EEF1AKMT2: variants seen among roughly 807,000 people sequenced by gnomAD.
The protein encoded by EEF1AKMT2 is EEF1A lysine methyltransferase 2, also known as eukaryotic translation elongation factor 1 alpha lysine methyltransferase 2.
In EEF1AKMT2, 32 loss-of-function variants were observed where a neutral mutation model predicts 35.8. The ratio of observed to expected loss-of-function variants is 0.89; its 90% CI spans 0.67 to 1.20. The LOEUF is 1.20. Among genes scored for constraint, EEF1AKMT2 ranks in the 50% most tolerant of loss-of-function variants. The pLI is 0.00. For synonymous variants in EEF1AKMT2, 121 were observed against 133.7 expected (o/e 0.91, Z 0.65); for missense variants, 330 against 347.5 (o/e 0.95, Z 0.40).
At chr10:124,783,902 G>A (rs576011046) in intron 3 of EEF1AKMT2, among the ~76,000 whole-genome samples, 212 of 152,216 alleles carry the variant, frequency 1.4e-3, no homozygotes, top group African/African-American at 4.6e-3. Context: ...TCGGCTCACC[G>A]CAACCTCCGC....
At chr10:124,777,519 G>T (rs991814889) in intron 3 of EEF1AKMT2, among the ~76,000 whole-genome samples, 62 of 150,874 alleles carry the variant, frequency 4.1e-4, no homozygotes, top group African/African-American at 1.5e-3. Context: ...TGTACCTAAA[G>T]ATTTTTTTTT....
intron 3 of EEF1AKMT2, among the ~76,000 whole-genome samples, chr10:124,788,347 G>T (rs564669883): frequency 1.3e-5 from 2 of 152,132 alleles, no homozygotes; most frequent in South Asian, 4.1e-4. Flanking sequence ...TGGCACAACT[G>T]TCCATATGTC....
intron 3 of EEF1AKMT2, among the ~76,000 whole-genome samples, chr10:124,782,768 C>G (rs1203696326): frequency 4.7e-5 from 7 of 150,080 alleles, no homozygotes; most frequent in Non-Finnish European, 8.9e-5. Context: ...AGCCAAGATC[C>G]CTCCATTGCA....
intron 6 of EEF1AKMT2, among the ~76,000 whole-genome samples, chr10:124,761,190 G>A (rs186681583): frequency 1.3e-3 from 201 of 152,268 alleles, no homozygotes; most frequent in African/African-American, 4.6e-3. Flanking sequence ...CTTGCTAAGC[G>A]CCAGGCATTA....
At position 124,783,581 on chromosome 10, in the gene EEF1AKMT2, T is replaced by C. The variant is rs190727950; in HGVS notation, c.291+5462A>G. On this transcript the variant is annotated intron_variant, in intron 3 of 6. Coordinates refer to ENST00000368836, the MANE Select transcript of EEF1AKMT2 (RefSeq NM_212554.4). ...GCTTAACTGGCGTATGACCCAGCAA[T>C]TTCACTCCTAAGTAAATACCCAAGA... Among the ~76,000 whole-genome samples the C allele has an allele frequency of 4.4e-3, 663 of 152,312 alleles. 4 individuals carry two copies. Among genetic ancestry groups the C allele is most frequent in the African/African-American group, 0.015 (621 of 41,570 alleles).
At chr10:124,767,926 C>T (rs997074790) in intron 4 of EEF1AKMT2, among the ~76,000 whole-genome samples, 5 of 152,138 alleles carry the variant, frequency 3.3e-5, no homozygotes, top group Admixed American at 1.3e-4. Flanking sequence ...ACGGAGGTTG[C>T]GGTGAGCCGA....
intron 3 of EEF1AKMT2, among the ~76,000 whole-genome samples, chr10:124,778,915 C>A (rs1233211294): frequency 6.6e-6 from 1 of 151,814 alleles, no homozygotes; most frequent in East Asian, 1.9e-4. Context: ...AAACATCCAT[C>A]AAAAATGTAG....
At chr10:124,760,693 A>C (rs1753579861) in intron 6 of EEF1AKMT2, among the ~76,000 whole-genome samples, 190 bp from the exon 7 acceptor site, 1 of 152,186 alleles carries the variant, frequency 6.6e-6, no homozygotes. Context: ...TGCTCCTCCA[A>C]AATCACTTTG....
At chr10:124,790,009 G>A (rs1230000225) in intron 2 of EEF1AKMT2, among the ~76,000 whole-genome samples, 3 of 151,124 alleles carry the variant, frequency 2.0e-5, no homozygotes, top group South Asian at 4.2e-4. Flanking sequence ...CCCCTGCCTC[G>A]GCCTCCCAAG....
rs920537834 is a variant in EEF1AKMT2 at position 124,791,810 on chromosome 10, G to A, written c.24C>T (p.Gly8=). The A allele has an allele frequency of 1.9e-6, 3 of 1,585,088 alleles. No homozygotes were observed. The highest frequency in any genetic ancestry group is 1.7e-6 in the Non-Finnish European group (2 of 1,171,318). Residue 8 remains glycine, a synonymous_variant, in exon 1 of 7, where the codon GGC becomes GGT. Coordinates refer to ENST00000368836, the MANE Select transcript of EEF1AKMT2 (RefSeq NM_212554.4). MSSGADG[G]GGAAVAARSD... The stretch of plus-strand genomic sequence containing the variant: ...ACCGCGCCGCCACCGCAGCGCCACC[G>A]CCGCCGTCAGCGCCCGAGCTCATTT...
At chr10:124,786,061 T>G (rs1049791023) in intron 3 of EEF1AKMT2, among the ~76,000 whole-genome samples, 3 of 152,070 alleles carry the variant, frequency 2.0e-5, no homozygotes, top group African/African-American at 4.8e-5. Context: ...GTGACAGCAG[T>G]GGTCACCTTT....
intron 6 of EEF1AKMT2, among the ~76,000 whole-genome samples, chr10:124,761,110 C>G (rs1270924842): frequency 1.3e-5 from 2 of 152,194 alleles, no homozygotes; most frequent in African/African-American, 4.8e-5. Context: ...TCAAGTGATC[C>G]ACCCACCTCA....
At chr10:124,786,505 CAA>C (rs1374051961) in intron 3 of EEF1AKMT2, among the ~76,000 whole-genome samples, 9 of 113,242 alleles carry the variant, frequency 7.9e-5, no homozygotes, top group Admixed American at 1.9e-4. Flanking sequence ...GACTCCGTCT[CAA>C]AAAAAAAAAA....
intron 3 of EEF1AKMT2, among the ~76,000 whole-genome samples, chr10:124,783,747 G>A (rs117598682): frequency 9.3e-4 from 142 of 152,160 alleles, no homozygotes; most frequent in Non-Finnish European, 1.6e-3. Context: ...TCAGGCTCAG[G>A]TGATCCTCCC....
chr10:124,757,393 G>C (rs1950295125), downstream of EEF1AKMT2, among the ~76,000 whole-genome samples: 1 of 147,776 alleles, frequency 6.8e-6, no homozygotes, highest in Non-Finnish European at 1.5e-5. Flanking sequence ...ACCAGACAGA[G>C]ACACACACAC....
At chr10:124,782,926 A>G in intron 3 of EEF1AKMT2, 1 of 417,418 alleles carries the variant, frequency 2.4e-6, no homozygotes, top group South Asian at 1.7e-5. Flanking sequence ...GTTAAAGGTT[A>G]GAGATTGTTA....
chr10:124,787,093 CCCA>C (rs1472752083), intron 3 of EEF1AKMT2, among the ~76,000 whole-genome samples: 2 of 151,762 alleles, frequency 1.3e-5, no homozygotes, highest in Non-Finnish European at 2.9e-5. Flanking sequence ...CTATATGGCG[CCCA>C]CCACCACTCC....
At chr10:124,761,381 T>C (rs1396183606) in intron 6 of EEF1AKMT2, among the ~76,000 whole-genome samples, 1 of 150,034 alleles carries the variant, frequency 6.7e-6, no homozygotes, top group Non-Finnish European at 1.5e-5. Context: ...ACCACATAAG[T>C]ATACACTTAA....
intron 1 of EEF1AKMT2, 88 bp from the exon 2 acceptor site, chr10:124,790,426 T>C (rs1950624528): frequency 5.3e-6 from 5 of 940,452 alleles, no homozygotes; most frequent in Middle Eastern, 2.2e-4. Flanking sequence ...TACAGAGCTA[T>C]TTATGACAGA....
Sources: gnomAD v4.1 joint callset for allele counts (sites outside exome capture counted in the v4.1 genomes callset) on GRCh38, gnomAD v4.1.1 for gene constraint, MANE v1.5 for transcripts, NCBI Gene and HGNC (gene_info 2026-07-23, HGNC 2026-07-21) for gene names.